The following JAZF1 variants were observed in gnomAD, a reference collection of about 807,000 sequenced individuals.
JAZF1 encodes juxtaposed with another zinc finger protein 1.
A neutral mutation model predicts 26.4 loss-of-function variants in JAZF1; 8 were observed. The ratio of observed to expected loss-of-function variants is 0.30; its 90% CI spans 0.18 to 0.55. The LOEUF (loss-of-function observed/expected upper bound fraction) is 0.55. JAZF1 is among the 20% of genes least tolerant of loss of function. JAZF1 has a pLI of 0.94. For missense variants in JAZF1, 199 were observed against 322.0 expected, an observed-to-expected ratio of 0.62 and a Z score of 2.92; for synonymous variants, 126 against 122.3, an observed-to-expected ratio of 1.03 and a Z score of -0.20.
At chr7:28,062,324 G>A (rs1394920856) in intron 1 of JAZF1, among the ~76,000 whole-genome samples, 1 of 152,090 alleles carries the variant, frequency 6.6e-6, no homozygotes, top group Non-Finnish European at 1.5e-5. Context: ...AGTAGAGGGC[G>A]CCGCAGGGAC....
intron 1 of JAZF1, among the ~76,000 whole-genome samples, chr7:28,147,863 T>C (rs1783052359): frequency 1.3e-5 from 2 of 151,640 alleles, no homozygotes; most frequent in Admixed American, 1.3e-4. Context: ...TGAGCACTGA[T>C]TGCACCACTA....
intron 1 of JAZF1, among the ~76,000 whole-genome samples, chr7:28,051,551 TAGTAAAG>T (rs1783618132): frequency 6.6e-6 from 1 of 152,088 alleles, no homozygotes; most frequent in Non-Finnish European, 1.5e-5. Context: ...AGCTCTAATC[TAGTAAAG>T]TTCTGCATTG....
chr7:27,943,717 G>A (rs898541893), intron 2 of JAZF1, among the ~76,000 whole-genome samples: 1 of 152,204 alleles, frequency 6.6e-6, no homozygotes, highest in Non-Finnish European at 1.5e-5. Flanking sequence ...CCCATAAAGT[G>A]AGCATGCCTG....
intron 4 of JAZF1, among the ~76,000 whole-genome samples, chr7:27,839,688 T>C (rs1304757768): frequency 6.6e-6 from 1 of 152,162 alleles, no homozygotes; most frequent in Admixed American, 6.5e-5. Context: ...CTAGGGAAGG[T>C]GAAACCTAGA....
chr7:27,924,361 C>T (rs929215397), intron 2 of JAZF1, among the ~76,000 whole-genome samples: 1 of 152,174 alleles, frequency 6.6e-6, no homozygotes, highest in African/African-American at 2.4e-5. Context: ...CAGGCGTGAG[C>T]CAGTGTGCCC....
At chr7:28,101,540 G>C (rs2391497) in intron 1 of JAZF1, among the ~76,000 whole-genome samples, 128,731 of 143,396 alleles carry the variant, frequency 0.9, 57,968 homozygotes, top group East Asian at 0.99. Flanking sequence ...AAGTTTGAGA[G>C]CAGACTGGAC....
At chr7:27,995,386 TTC>T (rs1166158461) in intron 1 of JAZF1, among the ~76,000 whole-genome samples, 1 of 152,158 alleles carries the variant, frequency 6.6e-6, no homozygotes, top group African/African-American at 2.4e-5. Flanking sequence ...CATAACAACA[TTC>T]GACCACTTTC....
At chr7:28,104,524 ACTT>A (rs1257276151) in intron 1 of JAZF1, among the ~76,000 whole-genome samples, 1 of 152,240 alleles carries the variant, frequency 6.6e-6, no homozygotes, top group Non-Finnish European at 1.5e-5. Context: ...AAATGTAACT[ACTT>A]AATAATTTGT....
intron 2 of JAZF1, among the ~76,000 whole-genome samples, chr7:27,986,804 C>T (rs185032287): frequency 9.2e-5 from 14 of 152,288 alleles, no homozygotes; most frequent in South Asian, 4.1e-4. Flanking sequence ...TGCAGGCGCG[C>T]GCTGCCATGC....
chr7:27,973,418 C>T (rs1785413538), intron 2 of JAZF1, among the ~76,000 whole-genome samples: 2 of 152,076 alleles, frequency 1.3e-5, no homozygotes, highest in African/African-American at 4.8e-5. Context: ...CTCCCTCAGC[C>T]TCTTGAGCAG....
intron 3 of JAZF1, among the ~76,000 whole-genome samples, chr7:27,859,059 G>A (rs187871912): frequency 2.2e-3 from 334 of 152,148 alleles, no homozygotes; most frequent in African/African-American, 7.6e-3. Flanking sequence ...TCAAAAAGTG[G>A]GCAAAGGATA....
At chr7:28,056,073 C>T (rs1043644177) in intron 1 of JAZF1, among the ~76,000 whole-genome samples, 8 of 152,008 alleles carry the variant, frequency 5.3e-5, no homozygotes, top group African/African-American at 1.9e-4. Context: ...TCTTACCCAC[C>T]ACAGTATCCT....
At chr7:27,905,811 G>C (rs1784245619) in intron 2 of JAZF1, among the ~76,000 whole-genome samples, 1 of 151,924 alleles carries the variant, frequency 6.6e-6, no homozygotes. Context: ...ATCCTTTCTT[G>C]AGAAAGGCTT....
In JAZF1 at chr7:27,937,630, G is replaced by GAAAAAAAATT. The variant is rs1784779001; in HGVS notation, c.189-42224_189-42215dup. On this transcript the variant is annotated intron_variant, in intron 2 of 4. Transcript: ENST00000283928. ...GAATAGGTTTACTGCTTATAAACAA[G>GAAAAAAAATT]AAAAAAAATTAAGCAATCAGTGTTC... 2.0e-5 allele frequency among the ~76,000 whole-genome samples: 3 copies of GAAAAAAAATT among 151,938 alleles called. No homozygotes were observed. In the South Asian group the frequency reaches 6.2e-4, roughly 32 times the overall value.
intron 2 of JAZF1, among the ~76,000 whole-genome samples, chr7:27,964,462 T>G (rs1785238805): frequency 6.6e-6 from 1 of 152,048 alleles, no homozygotes; most frequent in South Asian, 2.1e-4. Context: ...AATAGTTAAA[T>G]GTATGACCCA....
At chr7:27,908,124 C>T (rs890237387) in intron 2 of JAZF1, among the ~76,000 whole-genome samples, 4 of 152,108 alleles carry the variant, frequency 2.6e-5, no homozygotes, top group African/African-American at 9.7e-5. Flanking sequence ...AAGAGCTGTC[C>T]CCAAGCTAAA....
At chr7:27,987,141 CT>C (rs1198939596) in intron 2 of JAZF1, among the ~76,000 whole-genome samples, 1 of 151,778 alleles carries the variant, frequency 6.6e-6, no homozygotes, top group Non-Finnish European at 1.5e-5. Context: ...AGGAGCCCCT[CT>C]GCCTGGCCGC....
At chr7:28,033,127 T>C (rs1783221539) in intron 1 of JAZF1, among the ~76,000 whole-genome samples, 2 of 152,132 alleles carry the variant, frequency 1.3e-5, no homozygotes, top group Admixed American at 6.5e-5. Context: ...CTTTTCCATA[T>C]CTACCCCTAG....
chr7:27,856,482 C>G (rs1489041582), intron 3 of JAZF1, among the ~76,000 whole-genome samples: 1 of 152,202 alleles, frequency 6.6e-6, no homozygotes, highest in Non-Finnish European at 1.5e-5. Flanking sequence ...ATTCAGGCAG[C>G]CTGCTTTTAT....
Sources: allele counts gnomAD v4.1 joint callset (sites outside exome capture counted in the v4.1 genomes callset), GRCh38; gene constraint gnomAD v4.1.1; transcripts MANE v1.5; gene names NCBI Gene and HGNC (gene_info 2026-07-23, HGNC 2026-07-21).